MAPK14: variants seen among roughly 807,000 people sequenced by gnomAD.
MAPK14 encodes the protein CSAID-binding protein.
MAPK14 carries 16 observed loss-of-function variants against 49.6 expected under a neutral mutation model. The observed-to-expected ratio is 0.32, with a 90% CI of 0.22 to 0.49. MAPK14 has a LOEUF of 0.49. Ranked by LOEUF, MAPK14 falls within the 20% of genes least tolerant of loss-of-function variation. MAPK14 has a pLI of 0.99. For synonymous variants in MAPK14, 142 were observed against 158.0 expected (o/e 0.90, Z 0.76); for missense variants, 200 against 441.2 (o/e 0.45, Z 4.90).
At chr6:36,054,920 A>AT (rs1763536540) in intron 2 of MAPK14, among the ~76,000 whole-genome samples, 1 of 152,220 alleles carries the variant, frequency 6.6e-6, no homozygotes, top group African/African-American at 2.4e-5. Context: ...AACAAATACA[A>AT]TTTTCAGGTG....
At chr6:36,076,459 C>G (rs1247295896) in intron 7 of MAPK14, 78 bp from the exon 8 acceptor site, 3 of 990,444 alleles carry the variant, frequency 3.0e-6, no homozygotes, top group Non-Finnish European at 4.9e-6. Context: ...TATTTCACCC[C>G]TAGTTACGGT....
At chr6:36,090,425 T>G (rs1356064584) in intron 8 of MAPK14, among the ~76,000 whole-genome samples, 1 of 150,028 alleles carries the variant, frequency 6.7e-6, no homozygotes, top group Non-Finnish European at 1.5e-5. Context: ...CTGAGGCTGG[T>G]CTAGAACTCC....
chr6:36,037,864 C>G (rs1762810965), intron 1 of MAPK14, among the ~76,000 whole-genome samples: 2 of 152,044 alleles, frequency 1.3e-5, no homozygotes, highest in Admixed American at 6.6e-5. Context: ...TGGCACACTC[C>G]TGTAGTTCCA....
intron 3 of MAPK14, among the ~76,000 whole-genome samples, chr6:36,064,547 C>T (rs1237408196): frequency 2.0e-5 from 3 of 152,160 alleles, no homozygotes; most frequent in African/African-American, 7.2e-5. Context: ...AGACCTACAA[C>T]AAGGCTATTC....
chr6:36,108,794 T>C lies in MAPK14; in HGVS notation c.*347T>C, dbSNP rs972235457. On this transcript the variant is annotated 3_prime_UTR_variant, in exon 12 of 12. Coordinates refer to ENST00000229794, the MANE Select transcript of MAPK14 (RefSeq NM_139012.3). ...ATGCAAAGTAAAAAAATATGAATTG[T>C]CCCCAATCCCGGTCATGCTTTTGCC... is the stretch of plus-strand genomic sequence containing the variant. 1 of 249,770 alleles carries C rather than the reference T, an allele frequency of 4.0e-6. No homozygotes were observed. The highest frequency in any genetic ancestry group is 4.8e-5 in the South Asian group (1 of 20,912). The allele number at this position is 249,770 out of a possible 1,614,324, so 15.5% of individuals were successfully genotyped here. A position where few individuals can be genotyped will look rare whatever the true frequency, so the allele number is the denominator to read the frequency against.
intron 8 of MAPK14, 67 bp downstream of exon 8, chr6:36,076,675 C>T (rs745992492): frequency 5.1e-6 from 6 of 1,187,880 alleles, no homozygotes; most frequent in Non-Finnish European, 6.2e-6. Context: ...GTGTATACTC[C>T]TTTTACTTAT....
At chr6:36,086,800 G>A (rs1765003727) in intron 8 of MAPK14, among the ~76,000 whole-genome samples, 1 of 152,188 alleles carries the variant, frequency 6.6e-6, no homozygotes, top group South Asian at 2.1e-4. Flanking sequence ...TATGAGGCCA[G>A]TATTATCCCA....
At chr6:36,118,598 G>T in the MAPK14 span, among the ~76,000 whole-genome samples, 1 of 152,214 alleles carries the variant, frequency 6.6e-6, no homozygotes, top group African/African-American at 2.4e-5. Flanking sequence ...TGGCTCCACT[G>T]TGTGTTTCCA....
chr6:36,119,277 CA>C, the MAPK14 span, among the ~76,000 whole-genome samples: 1 of 152,208 alleles, frequency 6.6e-6, no homozygotes, highest in East Asian at 1.9e-4. Flanking sequence ...AGCATGTCCC[CA>C]AACCTAGAAA....
At chr6:36,057,413 T>C (rs1193439757) in intron 2 of MAPK14, among the ~76,000 whole-genome samples, 1 of 152,270 alleles carries the variant, frequency 6.6e-6, no homozygotes, top group Non-Finnish European at 1.5e-5. Flanking sequence ...GGTTTTCTTA[T>C]GTACTGTTGT....
At chr6:36,115,963 T>C (rs1169164576), downstream of MAPK14, among the ~76,000 whole-genome samples, 1 of 142,934 alleles carries the variant, frequency 7.0e-6, no homozygotes, top group Non-Finnish European at 1.5e-5. Context: ...TAAAAAGTTA[T>C]CTGGGCATGG....
At chr6:36,084,399 A>G (rs1485970537) in intron 8 of MAPK14, among the ~76,000 whole-genome samples, 1 of 152,218 alleles carries the variant, frequency 6.6e-6, no homozygotes, top group Admixed American at 6.5e-5. Flanking sequence ...AATGAATTTC[A>G]CTGAGCTAAA....
At chr6:36,074,995 G>C (rs1175246888) in intron 6 of MAPK14, among the ~76,000 whole-genome samples, 1 of 151,850 alleles carries the variant, frequency 6.6e-6, no homozygotes, top group Non-Finnish European at 1.5e-5. Flanking sequence ...GGGAGGCCAA[G>C]GCGGGTGGAT....
intron 6 of MAPK14, among the ~76,000 whole-genome samples, chr6:36,074,969 G>A (rs979786938): frequency 1.3e-5 from 2 of 151,450 alleles, no homozygotes; most frequent in South Asian, 2.1e-4. Context: ...GCTCATGCCT[G>A]TAATCCCAGC....
chr6:36,041,289 TCTC>T (rs1396196881), intron 1 of MAPK14, among the ~76,000 whole-genome samples: 1 of 151,966 alleles, frequency 6.6e-6, no homozygotes, highest in Non-Finnish European at 1.5e-5. Context: ...TTTCTCTAAT[TCTC>T]CTATTTCATC....
intron 7 of MAPK14, 99 bp downstream of exon 7, chr6:36,076,061 T>C: frequency 1.6e-6 from 2 of 1,230,980 alleles, no homozygotes; most frequent in Non-Finnish European, 2.3e-6. Context: ...AAGAAATGTC[T>C]TTTCTTCCCT....
At chr6:36,085,606 A>C (rs1764950863) in intron 8 of MAPK14, among the ~76,000 whole-genome samples, 1 of 152,236 alleles carries the variant, frequency 6.6e-6, no homozygotes, top group African/African-American at 2.4e-5. Flanking sequence ...TCAATTCAAC[A>C]AGAAAAGCTA....
intron 6 of MAPK14, 97 bp from the exon 7 acceptor site, chr6:36,075,751 A>G: frequency 5.2e-6 from 8 of 1,537,194 alleles, no homozygotes; most frequent in Non-Finnish European, 7.1e-6. Context: ...CCTTTTTAAT[A>G]AGGCAACAGA....
At chr6:36,037,523 G>A (rs1762798279) in intron 1 of MAPK14, among the ~76,000 whole-genome samples, 1 of 152,118 alleles carries the variant, frequency 6.6e-6, no homozygotes, top group Admixed American at 6.6e-5. Flanking sequence ...TTACAAAAGA[G>A]TGTTACAGGG....
Sources: gnomAD v4.1 joint callset for allele counts (sites outside exome capture counted in the v4.1 genomes callset) on GRCh38, gnomAD v4.1.1 for gene constraint, MANE v1.5 for transcripts, NCBI Gene and HGNC (gene_info 2026-07-23, HGNC 2026-07-21) for gene names.